CTNND2: variants seen among roughly 807,000 people sequenced by gnomAD.
The protein encoded by CTNND2 is catenin delta-2.
CTNND2 carries 22 observed loss-of-function variants against 144.4 expected under a neutral mutation model. The observed-to-expected ratio is 0.15, with a 90% confidence interval of 0.11 to 0.22. CTNND2 has a LOEUF of 0.22. Among genes scored for constraint, CTNND2 ranks in the 10% least tolerant of loss-of-function variants. CTNND2 has a pLI of 1.00. For missense variants in CTNND2, 1,353 were observed against 1,618.8 expected, an observed-to-expected ratio of 0.84 and a Z score of 2.82; for synonymous variants, 751 against 695.6, an observed-to-expected ratio of 1.08 and a Z score of -1.25.
At chr5:11,179,234 G>A (rs1486897928) in intron 11 of CTNND2, among the ~76,000 whole-genome samples, 3 of 151,624 alleles carry the variant, frequency 2.0e-5, no homozygotes, top group Admixed American at 6.6e-5. Flanking sequence ...TGGAGGTTGC[G>A]GTGAACCGAA....
intron 16 of CTNND2, among the ~76,000 whole-genome samples, chr5:11,074,288 A>T (rs1301195470): frequency 6.6e-6 from 1 of 152,194 alleles, no homozygotes; most frequent in Admixed American, 6.5e-5. Context: ...ATTTTAACTG[A>T]TAGGACTCTA....
chr5:11,494,996 C>T (rs1482738790), intron 3 of CTNND2, among the ~76,000 whole-genome samples: 1 of 152,100 alleles, frequency 6.6e-6, no homozygotes, highest in Non-Finnish European at 1.5e-5. Context: ...TAGGAGGGGT[C>T]AACTTTCTCC....
At chr5:11,085,483 G>T (rs991074441) in intron 15 of CTNND2, among the ~76,000 whole-genome samples, 1 of 152,310 alleles carries the variant, frequency 6.6e-6, no homozygotes, top group East Asian at 1.9e-4. Flanking sequence ...TGTCAGGAAA[G>T]GATCCCTTCC....
At chr5:11,129,224 A>AATATATATTTATATATAATATAT (rs1554050092) in intron 12 of CTNND2, among the ~76,000 whole-genome samples, 1 of 23,298 alleles carries the variant, frequency 4.3e-5, no homozygotes. Context: ...TATTATATAT[A>AATATATATTTATATATAATATAT]AATATATATT....
chr5:11,744,168 T>C (rs1788176098), intron 1 of CTNND2, among the ~76,000 whole-genome samples: 1 of 152,184 alleles, frequency 6.6e-6, no homozygotes, highest in Non-Finnish European at 1.5e-5. Flanking sequence ...TCAGCCAATT[T>C]TATCTAATCT....
At chr5:11,388,646 C>T (rs989043308) in intron 6 of CTNND2, among the ~76,000 whole-genome samples, 1 of 152,164 alleles carries the variant, frequency 6.6e-6, no homozygotes, top group African/African-American at 2.4e-5. Flanking sequence ...TTGGGGGAGC[C>T]TCTTTTCACC....
At chr5:11,558,541 A>AT (rs199720130) in intron 3 of CTNND2, among the ~76,000 whole-genome samples, 1,727 of 151,050 alleles carry the variant, frequency 0.011, 27 homozygotes, top group African/African-American at 0.037. Flanking sequence ...AATTTTTTGT[A>AT]TTTTTTTTTG....
chr5:11,178,371 T>C (rs917129482), intron 11 of CTNND2, among the ~76,000 whole-genome samples: 2 of 152,216 alleles, frequency 1.3e-5, no homozygotes, highest in African/African-American at 4.8e-5. Flanking sequence ...AATTGGAATA[T>C]AGTTTCCACC....
At chr5:11,252,475 C>CA (rs1743767991) in intron 9 of CTNND2, among the ~76,000 whole-genome samples, 1 of 152,146 alleles carries the variant, frequency 6.6e-6, no homozygotes, top group East Asian at 1.9e-4. Context: ...TAAGCACTGG[C>CA]ATAAGTTCAT....
intron 1 of CTNND2, among the ~76,000 whole-genome samples, chr5:11,767,733 G>T (rs889653300): frequency 6.6e-6 from 1 of 152,132 alleles, no homozygotes; most frequent in African/African-American, 2.4e-5. Flanking sequence ...TGACCACTTT[G>T]AAGAAGAGGC....
chr5:11,326,773 C>T (rs904547231), intron 9 of CTNND2, among the ~76,000 whole-genome samples: 5 of 152,084 alleles, frequency 3.3e-5, no homozygotes, highest in African/African-American at 7.2e-5. Flanking sequence ...TGGGCAACAC[C>T]GACCTTCAGA....
chr5:11,873,326 T>C (rs1735303239), intron 1 of CTNND2, among the ~76,000 whole-genome samples: 1 of 152,126 alleles, frequency 6.6e-6, no homozygotes, highest in Admixed American at 6.5e-5. Context: ...TACTAAAAGA[T>C]GAAACAGTTA....
intron 3 of CTNND2, among the ~76,000 whole-genome samples, chr5:11,416,137 G>GA (rs1761916793): frequency 6.6e-6 from 1 of 152,198 alleles, no homozygotes; most frequent in Admixed American, 6.5e-5. Flanking sequence ...AAAATGTCCG[G>GA]GGTAACCCTA....
intron 3 of CTNND2, among the ~76,000 whole-genome samples, chr5:11,509,281 T>A (rs1019104632): frequency 6.6e-6 from 1 of 152,168 alleles, no homozygotes; most frequent in South Asian, 2.1e-4. Context: ...TCTCTGTAAA[T>A]ACAGGCATTT....
At chr5:11,303,804 T>A (rs868068270) in intron 9 of CTNND2, among the ~76,000 whole-genome samples, 12 of 152,186 alleles carry the variant, frequency 7.9e-5, no homozygotes, top group Non-Finnish European at 1.3e-4. Flanking sequence ...AACGTTGATA[T>A]GGTTTGGCTG....
chr5:11,494,433 T>C (rs991462056), intron 3 of CTNND2, among the ~76,000 whole-genome samples: 3 of 152,112 alleles, frequency 2.0e-5, no homozygotes, highest in Non-Finnish European at 4.4e-5. Context: ...CCTATTATAA[T>C]ATGGCTCAAG....
intron 6 of CTNND2, among the ~76,000 whole-genome samples, chr5:11,392,097 T>C (rs2149809600): frequency 6.6e-6 from 1 of 152,282 alleles, no homozygotes; most frequent in East Asian, 1.9e-4. Context: ...GAGAGAAATT[T>C]TGCAAACTAT....
chr5:11,075,934 C>T (rs934819394), intron 16 of CTNND2, among the ~76,000 whole-genome samples: 2 of 152,242 alleles, frequency 1.3e-5, no homozygotes, highest in Admixed American at 6.5e-5. Flanking sequence ...CCCCAAACCT[C>T]CTCCAGATCT....
At chr5:11,472,784 G>T (rs1334947986) in intron 3 of CTNND2, among the ~76,000 whole-genome samples, 8 of 152,146 alleles carry the variant, frequency 5.3e-5, no homozygotes, top group Non-Finnish European at 1.0e-4. Flanking sequence ...TAATATGACG[G>T]TGTTAGACTG....
Sources: gnomAD v4.1 joint callset for allele counts (sites outside exome capture counted in the v4.1 genomes callset) on GRCh38, gnomAD v4.1.1 for gene constraint, MANE v1.5 for transcripts, NCBI Gene and HGNC (gene_info 2026-07-23, HGNC 2026-07-21) for gene names.